KCNAB1: variants seen among roughly 807,000 people sequenced by gnomAD.
KCNAB1 encodes voltage-gated potassium channel subunit beta-1.
Under a neutral mutation model 64.6 loss-of-function variants are expected in KCNAB1, and 35 were observed. The observed-to-expected ratio is 0.54, with a 90% CI of 0.41 to 0.72. The LOEUF (loss-of-function observed/expected upper bound fraction) is 0.72, where lower values mean the gene tolerates loss of function less well. Among genes scored for constraint, KCNAB1 ranks in the 30% least tolerant of loss-of-function variants. The probability of loss-of-function intolerance (pLI) is 0.00; values close to 1 mark genes in which losing one functional copy is unlikely to be tolerated. For missense variants in KCNAB1, 401 were observed against 512.9 expected (o/e 0.78, Z 2.11); for synonymous variants, 177 against 183.8 (o/e 0.96, Z 0.30).
intron 1 of KCNAB1, among the ~76,000 whole-genome samples, chr3:156,320,214 G>C (rs974547080): frequency 1.3e-5 from 2 of 152,194 alleles, no homozygotes; most frequent in Non-Finnish European, 2.9e-5. Flanking sequence ...GTTACCCTCA[G>C]TTATGCTGCC....
chr3:156,275,183 G>A (rs1054465275), intron 1 of KCNAB1, among the ~76,000 whole-genome samples: 2 of 152,102 alleles, frequency 1.3e-5, no homozygotes, highest in African/African-American at 4.8e-5. Flanking sequence ...ATTCCAATAA[G>A]TTTGTTTATT....
intron 1 of KCNAB1, among the ~76,000 whole-genome samples, chr3:156,293,855 T>G (rs1720614804): frequency 6.6e-6 from 1 of 152,230 alleles, no homozygotes; most frequent in African/African-American, 2.4e-5. Flanking sequence ...CTGCTCTGCA[T>G]GCACTTCAGC....
chr3:156,118,373 G>C, upstream of KCNAB1: 1 of 452,704 alleles, frequency 2.2e-6, no homozygotes, highest in Non-Finnish European at 4.4e-6. Flanking sequence ...AACATCTCAA[G>C]AGTGGTGGGT....
chr3:156,359,392 C>T (rs9828266), intron 1 of KCNAB1, among the ~76,000 whole-genome samples: 7,362 of 152,198 alleles, frequency 0.048, 578 homozygotes, highest in African/African-American at 0.17. Context: ...AGAAAATGTG[C>T]AACAATCTAC....
intron 1 of KCNAB1, among the ~76,000 whole-genome samples, chr3:156,368,329 A>C (rs986949986): frequency 6.6e-6 from 1 of 152,206 alleles, no homozygotes; most frequent in East Asian, 1.9e-4. Flanking sequence ...CAACGAATGC[A>C]TCTGTGCATA....
At chr3:156,438,390 GAAT>G (rs753087820) in intron 2 of KCNAB1, among the ~76,000 whole-genome samples, 1 of 152,144 alleles carries the variant, frequency 6.6e-6, no homozygotes, top group Non-Finnish European at 1.5e-5. Flanking sequence ...TCAGAATTTT[GAAT>G]AATGTTTGAA....
chr3:156,118,736 CTT>C (rs1414709171), upstream of KCNAB1, among the ~76,000 whole-genome samples: 1 of 152,238 alleles, frequency 6.6e-6, no homozygotes, highest in East Asian at 1.9e-4. Context: ...CCCTCTGTCT[CTT>C]TGGCTGAATG....
At chr3:156,498,185 G>A (rs1047753881) in intron 8 of KCNAB1, among the ~76,000 whole-genome samples, 1 of 152,070 alleles carries the variant, frequency 6.6e-6, no homozygotes. Context: ...GTTTAAAAAC[G>A]GATAAATCAT....
chr3:156,176,662 T>A, intron 1 of KCNAB1: 1 of 1,044,016 alleles, frequency 9.6e-7, no homozygotes, highest in African/African-American at 1.6e-5. Flanking sequence ...ATCCTGCAGA[T>A]GCTAAGGTGG....
chr3:156,241,380 G>A (rs1235780719), intron 1 of KCNAB1, among the ~76,000 whole-genome samples: 1 of 152,090 alleles, frequency 6.6e-6, no homozygotes, highest in East Asian at 1.9e-4. Flanking sequence ...TTTTCTTAGA[G>A]CCATCCTTGG....
chr3:156,142,864 A>T (rs1194632656), intron 1 of KCNAB1: 1 of 444,292 alleles, frequency 2.3e-6, no homozygotes, highest in African/African-American at 2.1e-5. Context: ...AAAAGTTCCC[A>T]TATTTTTTTT....
Position 156,406,594 on chromosome 3 carries a change from A to T in KCNAB1, c.276-15022A>T, listed in dbSNP as rs138280362. On this transcript the variant is annotated intron_variant, in intron 1 of 13. Coordinates refer to ENST00000490337, the MANE Select transcript of KCNAB1 (RefSeq NM_172160.3). The stretch of plus-strand genomic sequence containing the variant: ...AAGACACATTCTTCCTAATCCAGAG[A>T]ATCCTAGTGATGGGATGCTAATCTC... Among the ~76,000 whole-genome samples, 59 of 152,266 alleles carry T rather than the reference A, an allele frequency of 3.9e-4. No individual in the cohort carries two copies. The East Asian group carries it at 0.01, about 26-fold the overall frequency.
intron 3 of KCNAB1, among the ~76,000 whole-genome samples, chr3:156,454,815 T>C (rs1712271338): frequency 6.6e-6 from 1 of 152,190 alleles, no homozygotes; most frequent in Non-Finnish European, 1.5e-5. Flanking sequence ...CTGAGCAGAT[T>C]GGCCAAGTAA....
intron 1 of KCNAB1, among the ~76,000 whole-genome samples, chr3:156,335,853 G>GGTTTTTT (rs1553848761): frequency 5.2e-5 from 7 of 135,308 alleles, no homozygotes; most frequent in African/African-American, 1.9e-4. Flanking sequence ...AATTGTTTGG[G>GGTTTTTT]TTTTTTTTTT....
At chr3:156,173,154 T>C (rs6441040) in intron 1 of KCNAB1, among the ~76,000 whole-genome samples, 93,610 of 152,088 alleles carry the variant, frequency 0.62, 29,493 homozygotes, top group East Asian at 0.93. Context: ...GCAGTGTTGC[T>C]GTCTAAGAGG....
At position 156,429,286 on chromosome 3, in the gene KCNAB1, A is replaced by G. The variant is rs1194927436; in HGVS notation, c.319+7627A>G. Among the ~76,000 whole-genome samples, 3 of 152,198 alleles carry G rather than the reference A, an allele frequency of 2.0e-5. No individual in the cohort carries two copies. The East Asian group carries it at 5.8e-4, about 29-fold the overall frequency. On this transcript the variant is annotated intron_variant, in intron 2 of 13. Coordinates refer to ENST00000490337, the MANE Select transcript of KCNAB1 (RefSeq NM_172160.3). ...GCCAGCAGCCATGATTCTTATCTAC[A>G]TGGCAGCAGCCGCCCGCAGATCTAG... is the stretch of plus-strand genomic sequence containing the variant.
intron 2 of KCNAB1, among the ~76,000 whole-genome samples, chr3:156,439,224 A>ATTTTTTTT (rs56259743): frequency 5.2e-5 from 6 of 115,118 alleles, no homozygotes; most frequent in Admixed American, 9.2e-5. Flanking sequence ...CATCATTGTG[A>ATTTTTTTT]TTTTTTTTTT....
rs915452034 is a variant in KCNAB1, at chr3:156,538,328, T to C, written c.*1581T>C. 6.6e-6 allele frequency: 1 copy of C among 152,178 alleles called. No individual in the cohort carries two copies. Among genetic ancestry groups the C allele is most frequent in the African/African-American group, 2.4e-5 (1 of 41,438 alleles). The allele number at this position is 152,178 out of a possible 1,614,324, so 9.4% of individuals were successfully genotyped here. On this transcript the variant is annotated 3_prime_UTR_variant, in exon 14 of 14. Transcript: ENST00000490337. ...CGATTTTTCTGTCATTAGTTCTAGA[T>C]ATGTACTTCATGGTTAAATTCTAAA...
At chr3:156,333,190 A>G (rs1304761587) in intron 1 of KCNAB1, among the ~76,000 whole-genome samples, 1 of 152,148 alleles carries the variant, frequency 6.6e-6, no homozygotes, top group Non-Finnish European at 1.5e-5. Context: ...TCAAACAGTA[A>G]AAAAGAATAC....
Sources: gnomAD v4.1 joint callset for allele counts (sites outside exome capture counted in the v4.1 genomes callset) on GRCh38, gnomAD v4.1.1 for gene constraint, MANE v1.5 for transcripts, NCBI Gene and HGNC (gene_info 2026-07-23, HGNC 2026-07-21) for gene names.